Variants in SLC2A13 observed in about 807,000 individuals in gnomAD.
SLC2A13 encodes solute carrier family 2 member 13.
Under a neutral mutation model 64.4 loss-of-function variants are expected in SLC2A13, and 32 were observed. The observed-to-expected ratio is 0.50, with a 90% CI of 0.37 to 0.67. SLC2A13 has a LOEUF of 0.67. Among genes scored for constraint, SLC2A13 ranks in the 30% least tolerant of loss-of-function variants. The probability of loss-of-function intolerance (pLI) is 0.00; values close to 1 mark genes in which losing one functional copy is unlikely to be tolerated. For synonymous variants in SLC2A13, 338 were observed against 327.1 expected (o/e 1.03, Z -0.36); for missense variants, 743 against 829.2 (o/e 0.90, Z 1.28).
At chr12:39,986,474 A>G (rs987098108) in intron 3 of SLC2A13, among the ~76,000 whole-genome samples, 4 of 152,012 alleles carry the variant, frequency 2.6e-5, no homozygotes, top group Admixed American at 1.3e-4. Flanking sequence ...TTTTAAGTTC[A>G]ATCTGTTGCA....
At chr12:39,961,275 C>T (rs1946408579) in intron 3 of SLC2A13, among the ~76,000 whole-genome samples, 1 of 151,866 alleles carries the variant, frequency 6.6e-6, no homozygotes, top group Non-Finnish European at 1.5e-5. Context: ...GATGGGGTTT[C>T]ACCATGTTTG....
rs572659253 is a variant in SLC2A13 at position 39,891,149 on chromosome 12, A to T, written c.1035-19188T>A. Among the ~76,000 whole-genome samples the T allele has an allele frequency of 5.3e-5, 8 of 149,580 alleles. No homozygotes were observed. The East Asian group carries it at 1.6e-3, about 29-fold the overall frequency. The stretch of plus-strand genomic sequence containing the variant: ...TTTTTTTTAACATTTAATTTTGAGG[A>T]TGCATCTAGGATGCTTGTCCTCTGG... On this transcript the variant is annotated intron_variant, in intron 4 of 9. Coordinates refer to ENST00000280871, the MANE Select transcript of SLC2A13 (RefSeq NM_052885.4).
At chr12:39,972,223 G>A (rs2136132430) in intron 3 of SLC2A13, among the ~76,000 whole-genome samples, 1 of 151,568 alleles carries the variant, frequency 6.6e-6, no homozygotes, top group African/African-American at 2.4e-5. Flanking sequence ...TTATCTCTAA[G>A]AATCACATGG....
At chr12:39,828,468 C>T (rs1294909075) in intron 7 of SLC2A13, among the ~76,000 whole-genome samples, 2 of 151,972 alleles carry the variant, frequency 1.3e-5, no homozygotes, top group East Asian at 1.9e-4. Context: ...AAGGAATAAA[C>T]ATTTCTACTA....
chr12:40,013,835 G>A (rs1320407219), intron 3 of SLC2A13, among the ~76,000 whole-genome samples: 1 of 152,170 alleles, frequency 6.6e-6, no homozygotes, highest in Admixed American at 6.6e-5. Context: ...TTCAGCACCT[G>A]ATTTTACAGA....
rs1265935082 is a variant in SLC2A13 at position 40,087,173 on chromosome 12, C to A, written c.556+18080G>T. ...CCATTCAGAAAGGATCCTTCAAAGT[C>A]TTAAAAGCAAGTAATTTTTAAAATA... On this transcript the variant is annotated intron_variant, in intron 1 of 9. Transcript: ENST00000280871. 2.0e-5 allele frequency among the ~76,000 whole-genome samples: 3 copies of A among 152,172 alleles called. 1 individual carries two copies. The highest frequency in any genetic ancestry group is 4.4e-5 in the Non-Finnish European group (3 of 68,026).
chr12:39,980,174 C>T (rs1218364996), intron 3 of SLC2A13, among the ~76,000 whole-genome samples: 4 of 150,562 alleles, frequency 2.7e-5, no homozygotes, highest in Non-Finnish European at 4.5e-5. Context: ...CTGAAGGAAG[C>T]GCTAAACATG....
At chr12:40,096,513 CA>C (rs935086659) in intron 1 of SLC2A13, among the ~76,000 whole-genome samples, 5 of 150,764 alleles carry the variant, frequency 3.3e-5, no homozygotes, top group Admixed American at 6.6e-5. Context: ...AGAAAAAAAA[CA>C]AAAAAAATTA....
intron 1 of SLC2A13, among the ~76,000 whole-genome samples, chr12:40,055,377 A>G (rs1221566651): frequency 6.6e-6 from 1 of 152,210 alleles, no homozygotes; most frequent in East Asian, 1.9e-4. Flanking sequence ...CCATGGCTAA[A>G]ATGACCACTT....
At chr12:39,904,955 G>C (rs1281090211) in intron 4 of SLC2A13, among the ~76,000 whole-genome samples, 3 of 152,064 alleles carry the variant, frequency 2.0e-5, no homozygotes, top group Admixed American at 1.3e-4. Flanking sequence ...TTTTGATACA[G>C]ACGTGCAGGC....
chr12:39,885,000 G>A (rs1944434839), intron 4 of SLC2A13, among the ~76,000 whole-genome samples: 1 of 152,192 alleles, frequency 6.6e-6, no homozygotes, highest in Non-Finnish European at 1.5e-5. Flanking sequence ...AACCATAGTG[G>A]CAGAGACAGG....
In SLC2A13 at chr12:39,830,221, T is replaced by C. The variant is rs1021602593; in HGVS notation, c.1327A>G (p.Asn443Asp). 3 of 1,612,390 alleles carry C rather than the reference T, an allele frequency of 1.9e-6. No homozygotes were observed. The highest frequency in any genetic ancestry group is 2.5e-6 in the Non-Finnish European group (3 of 1,178,980). Residue 443 changes from asparagine to aspartate, a missense_variant, in exon 7 of 10, where the codon AAT becomes GAT. By Grantham distance (23) the Asn-to-Asp change is conservative. This residue lies in a region of SLC2A13 where 295 missense variants were observed against 381.7 expected (regional missense o/e 0.77). Transcript: ENST00000280871. ...NATCTRYSYC[N>D]ECMLDPDCGF... is the part of the protein sequence containing the mutation. The stretch of plus-strand genomic sequence containing the variant: ...CAGTCTGGATCCAACATACATTCAT[T>C]ACAGTAACTGAAAAATGAAAAGAGT...
At chr12:39,771,186 CTA>C (rs1338944156) in intron 7 of SLC2A13, among the ~76,000 whole-genome samples, 1 of 152,122 alleles carries the variant, frequency 6.6e-6, no homozygotes, top group Non-Finnish European at 1.5e-5. Context: ...GAGAGAGACT[CTA>C]GAGTAACCCT....
chr12:39,969,838 C>T (rs1294058464), intron 3 of SLC2A13, among the ~76,000 whole-genome samples: 1 of 151,992 alleles, frequency 6.6e-6, no homozygotes, highest in East Asian at 1.9e-4. Flanking sequence ...CTTTTGTTGC[C>T]ATTGCTTTTG....
At chr12:39,986,116 G>T (rs549627550) in intron 3 of SLC2A13, among the ~76,000 whole-genome samples, 53 of 151,986 alleles carry the variant, frequency 3.5e-4, no homozygotes, top group Admixed American at 8.5e-4. Context: ...CAATTGTGAG[G>T]GTTCCACCAT....
intron 1 of SLC2A13, among the ~76,000 whole-genome samples, chr12:40,104,524 T>A (rs1472118): frequency 0.42 from 64,123 of 152,000 alleles, 13,810 homozygotes; most frequent in Non-Finnish European, 0.48. Flanking sequence ...TGACCTTTAA[T>A]AGATAATTTG....
intron 9 of SLC2A13, among the ~76,000 whole-genome samples, chr12:39,763,600 G>A (rs914455428): frequency 6.6e-6 from 1 of 152,058 alleles, no homozygotes; most frequent in African/African-American, 2.4e-5. Context: ...GAAATGATAA[G>A]TGGCCAGAGC....
At chr12:39,995,122 C>A (rs1435400848) in intron 3 of SLC2A13, among the ~76,000 whole-genome samples, 1 of 152,082 alleles carries the variant, frequency 6.6e-6, no homozygotes, top group Non-Finnish European at 1.5e-5. Context: ...AAATAATACA[C>A]GTTGTGCAGG....
intron 7 of SLC2A13, among the ~76,000 whole-genome samples, chr12:39,794,066 C>A (rs1314484801): frequency 2.2e-5 from 3 of 134,432 alleles, no homozygotes; most frequent in African/African-American, 5.6e-5. Context: ...CTCTAAATTA[C>A]TCTTTTGAGC....
Sources: allele counts gnomAD v4.1 joint callset (sites outside exome capture counted in the v4.1 genomes callset), GRCh38; gene constraint gnomAD v4.1.1; regional missense constraint gnomAD v4.1.1; transcripts MANE v1.5; gene names NCBI Gene and HGNC (gene_info 2026-07-23, HGNC 2026-07-21).